The following MAGEE1 variants were observed in gnomAD, a reference collection of about 807,000 sequenced individuals.
MAGEE1 encodes melanoma-associated antigen E1.
MAGEE1 carries 3 observed loss-of-function variants against 12.0 expected under a neutral mutation model. The observed-to-expected ratio is 0.25, with a 90% CI of 0.11 to 0.65. MAGEE1 has a LOEUF of 0.65. Among genes scored for constraint, MAGEE1 ranks in the 30% least tolerant of loss-of-function variants. The pLI is 0.84. For synonymous variants in MAGEE1, 414 were observed against 326.1 expected (o/e 1.27, Z -2.91); for missense variants, 729 against 772.2 (o/e 0.94, Z 0.66).
In MAGEE1 at chrX:76,429,579, A is replaced by G; in HGVS notation, c.1649A>G (p.Glu550Gly). The change falls in exon 1 of 1, where the codon GAA (glutamate) becomes GGA (glycine). Residue 550 changes from glutamate to glycine, a missense_variant. By Grantham distance (98) the Glu-to-Gly change is moderately conservative (BLOSUM62 -2). Transcript: ENST00000361470. ...TGCATTTTTAGGTTTGAATTGAGAG[A>G]ACTTGACCCTGAGGCACACACCTAC... ...LECIFRFELRELDPEAHTYIL... is the reference protein window; with the variant it reads ...LECIFRFELRGLDPEAHTYIL... 10 of 1,211,382 alleles carry G rather than the reference A, an allele frequency of 8.3e-6. No homozygotes were observed. Among genetic ancestry groups the G allele is most frequent in the Non-Finnish European group, 1.1e-5 (10 of 895,433 alleles).
In MAGEE1 at chrX:76,429,489, A is replaced by T; in HGVS notation, c.1559A>T (p.Tyr520Phe). 8.3e-7 allele frequency: 1 copy of T among 1,211,720 alleles called. No homozygotes were observed. Among genetic ancestry groups the T allele is most frequent in the Non-Finnish European group, 1.1e-6 (1 of 895,541 alleles). The part of the protein sequence containing the change: ...YPIRESEMRE[Y>F]IVKEYRNQFP... ...ATCCGGGAGTCTGAAATGCGGGAAT[A>T]TATTGTTAAAGAATATCGCAACCAG... Residue 520 changes from tyrosine (Y) to phenylalanine (F), a missense_variant, in exon 1 of 1, where the codon TAT becomes TTT. Physicochemically the swap from Tyr to Phe is conservative, Grantham distance 22. Coordinates refer to ENST00000361470, the MANE Select transcript of MAGEE1 (RefSeq NM_020932.3).
Position 76,429,089 on chromosome X carries a change from G to T in MAGEE1, c.1159G>T (p.Gly387Cys), listed in dbSNP as rs1476313263. 8.3e-7 allele frequency: 1 copy of T among 1,210,980 alleles called. No homozygotes were observed. Among genetic ancestry groups the T allele is most frequent in the African/African-American group, 1.7e-5 (1 of 57,782 alleles). Residue 387 changes from glycine to cysteine, a missense_variant, in exon 1 of 1, where the codon GGC becomes TGC. Around this residue, in one of 4 missense-constraint regions of MAGEE1, gnomAD observed 473 missense variants for 423.7 expected, o/e 1.12. Coordinates refer to ENST00000361470, the MANE Select transcript of MAGEE1 (RefSeq NM_020932.3). Reference sequence around the variant, plus strand: ...CTCCGTGCCGCCCACTCCTGGTGAGGGCGCAAGCACCTTAGTGCAGCCCAC... The same window carrying T: ...CTCCGTGCCGCCCACTCCTGGTGAGTGCGCAAGCACCTTAGTGCAGCCCAC... The part of the protein sequence containing the change: ...DTSVPPTPGE[G>C]ASTLVQPTAP...
At position 76,428,787 on chromosome X, in the gene MAGEE1, C is replaced by T; in HGVS notation, c.857C>T (p.Pro286Leu). The T allele has an allele frequency of 8.3e-7, 1 of 1,210,234 alleles. No homozygotes were observed. Among genetic ancestry groups the T allele is most frequent in the Non-Finnish European group, 1.1e-6 (1 of 895,109 alleles). ...GACGGACAAAGCATCTCCTTGGTGC[C>T]CACCCGCGGTAAGGGATCAAGCACC... The part of the protein sequence containing the change: ...ASDGQSISLV[P>L]TRGKGSSTSV... Residue 286 changes from proline to leucine, a missense_variant, in exon 1 of 1, where the codon CCC (proline) becomes CTC (leucine). Coordinates refer to ENST00000361470, the MANE Select transcript of MAGEE1 (RefSeq NM_020932.3).
chrX:76,429,533 C>A lies in MAGEE1; in HGVS notation c.1603C>A (p.Arg535=). The A allele has an allele frequency of 8.3e-7, 1 of 1,211,353 alleles. No individual in the cohort carries two copies. The highest frequency in any genetic ancestry group is 1.8e-5 in the South Asian group (1 of 56,927). Residue 535 remains arginine, a synonymous_variant, in exon 1 of 1, where the codon CGA becomes AGA. Transcript: ENST00000361470. ...YRNQFPEILR[R]AAAHLECIFR... is the part of the protein sequence containing the mutation. ...CAACCAGTTTCCTGAGATACTCAGG[C>A]GAGCAGCAGCCCACCTGGAGTGCAT... is the stretch of plus-strand genomic sequence containing the variant.
chrX:76,430,671 C>T lies in MAGEE1; in HGVS notation c.2741C>T (p.Ala914Val), dbSNP rs1490183479. ...CGTTTGGAAACCTCTAAGATGAAAG[C>T]CTTGCGATATGTGGCCAGAATCCAC... ...RARLETSKMKALRYVARIHRK... is the reference protein window; with the variant it reads ...RARLETSKMKVLRYVARIHRK... Residue 914 changes from alanine to valine, a missense_variant, in exon 1 of 1, where the codon GCC (alanine) becomes GTC (valine). Transcript: ENST00000361470. 9.9e-6 allele frequency: 12 copies of T among 1,211,523 alleles called. No homozygotes were observed. The highest frequency in any genetic ancestry group is 1.3e-5 in the Non-Finnish European group (12 of 895,487).
rs2147574718 is a variant in MAGEE1 at position 76,428,287 on chromosome X, C to A, written c.357C>A (p.Thr119=). ...SEGLSTSGPP[T]ISKGLCTSVT... ...GCCTAAGCACCTCCGGGCCTCCCACCATCTCTAAGGGGCTGTGCACCTCTG... is the reference window on the plus strand; with the variant it reads ...GCCTAAGCACCTCCGGGCCTCCCACAATCTCTAAGGGGCTGTGCACCTCTG... The change falls in exon 1 of 1, where the codon ACC becomes ACA. Residue 119 remains threonine, a synonymous_variant. Transcript: ENST00000361470. The A allele has an allele frequency of 3.3e-6, 4 of 1,209,935 alleles. No individual in the cohort carries two copies. Among genetic ancestry groups the A allele is most frequent in the Non-Finnish European group, 3.4e-6 (3 of 894,825 alleles).
Position 76,430,249 on chromosome X carries a change from C to T in MAGEE1, c.2319C>T (p.Tyr773=). ...KLPIPKKGIL[Y]YIGRECSKVF... ...CTATACCAAAGAAAGGAATTCTGTA[C>T]TACATTGGCCGAGAGTGCAGCAAAG... Residue 773 remains tyrosine, a synonymous_variant, in exon 1 of 1, where the codon TAC becomes TAT. Coordinates refer to ENST00000361470, the MANE Select transcript of MAGEE1 (RefSeq NM_020932.3). 5 of 1,211,941 alleles carry T rather than the reference C, an allele frequency of 4.1e-6. No individual in the cohort carries two copies. The highest frequency in any genetic ancestry group is 5.6e-6 in the Non-Finnish European group (5 of 895,634).
At position 76,427,874 on chromosome X, in the gene MAGEE1, C is replaced by A; in HGVS notation, c.-57C>A. On this transcript the variant is annotated 5_prime_UTR_variant, in exon 1 of 1. Coordinates refer to ENST00000361470, the MANE Select transcript of MAGEE1 (RefSeq NM_020932.3). ...ACCTACACACCTCCCGTCCTCTCTG[C>A]CAGATCGCGGGCCTGTCGGTGTCTG... 8.8e-7 allele frequency: 1 copy of A among 1,136,301 alleles called. No individual in the cohort carries two copies. Among genetic ancestry groups the A allele is most frequent in the Non-Finnish European group, 1.2e-6 (1 of 851,872 alleles). The allele number at this position is 1,136,301 out of a possible 1,213,427, so 93.6% of individuals were successfully genotyped here.
Position 76,428,893 on chromosome X carries a change from G to C in MAGEE1, c.963G>C (p.Pro321=). Residue 321 remains proline (P), a synonymous_variant, in exon 1 of 1, where the codon CCG becomes CCC. Coordinates refer to ENST00000361470, the MANE Select transcript of MAGEE1 (RefSeq NM_020932.3). ...TAGEGSSTSV[P]PTPGGGLSTS... ...GTGAGGGATCGAGCACCTCCGTGCCGCCCACCCCTGGTGGGGGACTGAGCA... is the reference window on the plus strand; with the variant it reads ...GTGAGGGATCGAGCACCTCCGTGCCCCCCACCCCTGGTGGGGGACTGAGCA... 8.3e-7 allele frequency: 1 copy of C among 1,209,441 alleles called. No individual in the cohort carries two copies. The highest frequency in any genetic ancestry group is 1.1e-6 in the Non-Finnish European group (1 of 894,650).
Position 76,428,200 on chromosome X carries a change from C to T in MAGEE1, c.270C>T (p.Ala90=). 8.3e-7 allele frequency: 1 copy of T among 1,211,424 alleles called. No homozygotes were observed. The highest frequency in any genetic ancestry group is 1.1e-6 in the Non-Finnish European group (1 of 895,253). Residue 90 remains alanine (A), a synonymous_variant, in exon 1 of 1, where the codon GCC becomes GCT. Transcript: ENST00000361470. The part of the protein sequence containing the change: ...VPPTISEASS[A]SGQPTISEGP... ...CCACCATCTCTGAGGCCTCAAGCGCCTCCGGGCAGCCCACCATCTCTGAGG... is the reference window on the plus strand; with the variant it reads ...CCACCATCTCTGAGGCCTCAAGCGCTTCCGGGCAGCCCACCATCTCTGAGG...
rs1482209977 is a variant in MAGEE1 at position 76,428,438 on chromosome X, G to A, written c.508G>A (p.Glu170Lys). Residue 170 changes from glutamate to lysine, a missense_variant, in exon 1 of 1, where the codon GAG becomes AAG. Glu to Lys is a moderately conservative substitution (Grantham distance 56). Coordinates refer to ENST00000361470, the MANE Select transcript of MAGEE1 (RefSeq NM_020932.3). ...PSTSLPPTPG[E>K]GTSTSVPPTA... ...CACCTCCCTGCCGCCCACCCCTGGT[G>A]AGGGAACGAGCACCTCCGTGCCGCC... 8 of 1,209,709 alleles carry A rather than the reference G, an allele frequency of 6.6e-6. No homozygotes were observed. Among genetic ancestry groups the A allele is most frequent in the South Asian group, 1.8e-5 (1 of 56,856 alleles).
chrX:76,429,600 C>T lies in MAGEE1; in HGVS notation c.1670C>T (p.Thr557Ile). ...AGAGAACTTGACCCTGAGGCACACA[C>T]CTACATTCTGTTAAACAAACTGGGA... ...ELRELDPEAHTYILLNKLGPV... is the reference protein window; with the variant it reads ...ELRELDPEAHIYILLNKLGPV... Residue 557 changes from threonine (T) to isoleucine (I), a missense_variant, in exon 1 of 1, where the codon ACC becomes ATC. This residue lies in a region of MAGEE1 where 91 missense variants were observed against 133.8 expected (regional missense o/e 0.68). Transcript: ENST00000361470. 5 of 1,211,340 alleles carry T rather than the reference C, an allele frequency of 4.1e-6. No individual in the cohort carries two copies. The highest frequency in any genetic ancestry group is 5.6e-6 in the Non-Finnish European group (5 of 895,344).
Position 76,429,719 on chromosome X carries a change from C to G in MAGEE1, c.1789C>G (p.Gln597Glu). ...ILGQIFLNGNQAKEAEIWEML... is the reference protein window; with the variant it reads ...ILGQIFLNGNEAKEAEIWEML... ...AGGCCAAATATTCCTGAATGGCAAC[C>G]AAGCCAAGGAGGCTGAGATTTGGGA... The change falls in exon 1 of 1, where the codon CAA becomes GAA. Residue 597 changes from glutamine to glutamate, a missense_variant. Transcript: ENST00000361470. 1 of 1,211,161 alleles carries G rather than the reference C, an allele frequency of 8.3e-7. No homozygotes were observed. Among genetic ancestry groups the G allele is most frequent in the Non-Finnish European group, 1.1e-6 (1 of 895,327 alleles).
At position 76,428,894 on chromosome X, in the gene MAGEE1, C is replaced by G. The variant is rs1923304835; in HGVS notation, c.964C>G (p.Pro322Ala). 3 of 1,208,451 alleles carry G rather than the reference C, an allele frequency of 2.5e-6. No individual in the cohort carries two copies. The highest frequency in any genetic ancestry group is 2.3e-4 in the Middle Eastern group (1 of 4,364). ...TGAGGGATCGAGCACCTCCGTGCCGCCCACCCCTGGTGGGGGACTGAGCAC... is the reference window on the plus strand; with the variant it reads ...TGAGGGATCGAGCACCTCCGTGCCGGCCACCCCTGGTGGGGGACTGAGCAC... ...AGEGSSTSVP[P>A]TPGGGLSTSV... Residue 322 changes from proline to alanine, a missense_variant, in exon 1 of 1, where the codon CCC (proline) becomes GCC (alanine). Pro to Ala is a conservative substitution (Grantham distance 27, BLOSUM62 -1). This residue lies in a region of MAGEE1 where 473 missense variants were observed against 423.7 expected (regional missense o/e 1.12). Transcript: ENST00000361470.
rs1556839805 is a variant in MAGEE1 at position 76,429,922 on chromosome X, C to G, written c.1992C>G (p.Thr664=). The change falls in exon 1 of 1, where the codon ACC becomes ACG. Residue 664 remains threonine (T), a synonymous_variant. Coordinates refer to ENST00000361470, the MANE Select transcript of MAGEE1 (RefSeq NM_020932.3). Reference sequence around the variant, plus strand: ...GCCCAAGATCCCACCTAGAAACCACCAAGATGAAAATTCTGAAGTTCATGG... The same window carrying G: ...GCCCAAGATCCCACCTAGAAACCACGAAGATGAAAATTCTGAAGTTCATGG... ...FWGPRSHLET[T]KMKILKFMAK... 1.7e-6 allele frequency: 2 copies of G among 1,211,230 alleles called. No homozygotes were observed. The highest frequency in any genetic ancestry group is 2.2e-6 in the Non-Finnish European group (2 of 895,395).
chrX:76,428,460 C>T lies in MAGEE1; in HGVS notation c.530C>T (p.Pro177Leu), dbSNP rs147638565. 26 of 1,204,324 alleles carry T rather than the reference C, an allele frequency of 2.2e-5. No individual in the cohort carries two copies. In the African/African-American group the frequency reaches 4.3e-4, roughly 20 times the overall value. Reference sequence around the variant, plus strand: ...GGTGAGGGAACGAGCACCTCCGTGCCGCCCACAGCCTATGAGGGACCAAGC... The same window carrying T: ...GGTGAGGGAACGAGCACCTCCGTGCTGCCCACAGCCTATGAGGGACCAAGC... ...TPGEGTSTSV[P>L]PTAYEGPSTS... Residue 177 changes from proline (P) to leucine (L), a missense_variant, in exon 1 of 1, where the codon CCG becomes CTG. Coordinates refer to ENST00000361470, the MANE Select transcript of MAGEE1 (RefSeq NM_020932.3).
rs369648965 is a variant in MAGEE1, at chrX:76,430,318, T to A, written c.2388T>A (p.His796Gln). The A allele has an allele frequency of 2.3e-4, 281 of 1,210,519 alleles. No homozygotes were observed. The South Asian group carries it at 4.7e-3, about 20-fold the overall frequency. ...ATCGTGCTGCCCGCACCCTGAACCATGTCTATGGGACAGAACTAGTGGTAC... is the reference window on the plus strand; with the variant it reads ...ATCGTGCTGCCCGCACCCTGAACCAAGTCTATGGGACAGAACTAGTGGTAC... Reference protein sequence around the residue: ...LLNRAARTLNHVYGTELVVLD... With the variant: ...LLNRAARTLNQVYGTELVVLD... Residue 796 changes from histidine (H) to glutamine (Q), a missense_variant, in exon 1 of 1, where the codon CAT becomes CAA. By Grantham distance (24) the His-to-Gln change is conservative. This residue lies in a region of MAGEE1 where 101 missense variants were observed against 161.3 expected (regional missense o/e 0.63). Transcript: ENST00000361470.
In MAGEE1 at chrX:76,430,244, C is replaced by T. The variant is rs782790035; in HGVS notation, c.2314C>T (p.Leu772=). 8.3e-7 allele frequency: 1 copy of T among 1,212,046 alleles called. No individual in the cohort carries two copies. Among genetic ancestry groups the T allele is most frequent in the Non-Finnish European group, 1.1e-6 (1 of 895,620 alleles). ...GCTGCCTATACCAAAGAAAGGAATT[C>T]TGTACTACATTGGCCGAGAGTGCAG... The part of the protein sequence containing the change: ...TKLPIPKKGI[L]YYIGRECSKV... Residue 772 remains leucine (L), a synonymous_variant, in exon 1 of 1, where the codon CTG becomes TTG. Transcript: ENST00000361470.
Position 76,428,055 on chromosome X carries a change from G to A in MAGEE1, c.125G>A (p.Gly42Asp), listed in dbSNP as rs782282640. 1 of 1,181,808 alleles carries A rather than the reference G, an allele frequency of 8.5e-7. No homozygotes were observed. Among genetic ancestry groups the A allele is most frequent in the Non-Finnish European group, 1.1e-6 (1 of 880,278 alleles). ...CCCGGTCTCCCCGCTGATGTGCCAG[G>A]CTCAGACGTCCCCCAGGGTCCCAGC... ...NAPGLPADVP[G>D]SDVPQGPSDS... Residue 42 changes from glycine to aspartate, a missense_variant, in exon 1 of 1, where the codon GGC (glycine) becomes GAC (aspartate). Physicochemically the swap from Gly to Asp is moderately conservative, Grantham distance 94 (BLOSUM62 -1). Coordinates refer to ENST00000361470, the MANE Select transcript of MAGEE1 (RefSeq NM_020932.3).
Sources: allele counts gnomAD v4.1 joint callset, GRCh38; gene constraint gnomAD v4.1.1; regional missense constraint gnomAD v4.1.1; transcripts MANE v1.5; gene names NCBI Gene and HGNC (gene_info 2026-07-23, HGNC 2026-07-21).